HIRA: variants seen among roughly 807,000 people sequenced by gnomAD.
HIRA encodes protein HIRA.
Under a neutral mutation model 126.6 loss-of-function variants are expected in HIRA, and 13 were observed. The ratio of observed to expected loss-of-function variants is 0.10; its 90% confidence interval spans 0.07 to 0.16. HIRA has a LOEUF of 0.16. HIRA is among the 10% of genes least tolerant of loss of function. HIRA has a pLI of 1.00. For missense variants in HIRA, 834 were observed against 1,314.4 expected, an observed-to-expected ratio of 0.63 and a Z score of 5.65; for synonymous variants, 511 against 520.0, an observed-to-expected ratio of 0.98 and a Z score of 0.24.
intron 23 of HIRA, among the ~76,000 whole-genome samples, 162 bp downstream of exon 23, chr22:19,353,194 A>G (rs914092331): frequency 1.1e-4 from 16 of 152,158 alleles, no homozygotes; most frequent in Non-Finnish European, 1.2e-4. Flanking sequence ...AGAGCCTATA[A>G]GGGGCTGGGT....
At chr22:19,339,081 A>C in intron 24 of HIRA, among the ~76,000 whole-genome samples, 1 of 152,230 alleles carries the variant, frequency 6.6e-6, no homozygotes, top group East Asian at 1.9e-4. Context: ...AAACTTAAGA[A>C]AATCGAAATT....
At chr22:19,352,392 C>A (rs140861203) in intron 23 of HIRA, among the ~76,000 whole-genome samples, 1 of 152,044 alleles carries the variant, frequency 6.6e-6, no homozygotes, top group Non-Finnish European at 1.5e-5. Flanking sequence ...GGTATGAGAG[C>A]CTGGGAAGGC....
intron 2 of HIRA, 131 bp from the exon 3 acceptor site, chr22:19,408,724 A>C (rs1409311020): frequency 3.5e-6 from 2 of 577,174 alleles, no homozygotes; most frequent in African/African-American, 3.7e-5. Flanking sequence ...ATCTAAGGAG[A>C]CTGAATTTAA....
chr22:19,411,316 T>C (rs1023724101), intron 1 of HIRA, among the ~76,000 whole-genome samples: 7 of 152,246 alleles, frequency 4.6e-5, no homozygotes, highest in Admixed American at 2.6e-4. Flanking sequence ...GTACTCTATG[T>C]TAAATTAGCT....
intron 13 of HIRA, among the ~76,000 whole-genome samples, chr22:19,382,033 C>T (rs968090547): frequency 6.6e-5 from 10 of 152,154 alleles, no homozygotes; most frequent in African/African-American, 1.9e-4. Flanking sequence ...AAAGAAGTCT[C>T]TCATCTTTTT....
chr22:19,348,401 A>G (rs1418944990), intron 24 of HIRA, among the ~76,000 whole-genome samples: 2 of 152,220 alleles, frequency 1.3e-5, no homozygotes, highest in Non-Finnish European at 2.9e-5. Context: ...ATTATCAGAC[A>G]TAAAACTTTA....
intron 15 of HIRA, among the ~76,000 whole-genome samples, chr22:19,364,696 C>T (rs1001832537): frequency 6.6e-6 from 1 of 152,190 alleles, no homozygotes; most frequent in African/African-American, 2.4e-5. Context: ...TGGTTGTTCT[C>T]CTGTCTCCCT....
intron 24 of HIRA, among the ~76,000 whole-genome samples, chr22:19,340,398 C>A (rs1159931517): frequency 1.3e-5 from 2 of 152,150 alleles, no homozygotes; most frequent in East Asian, 3.9e-4. Context: ...ATGACAAACT[C>A]ACAGTTGACT....
At chr22:19,419,967 C>T (rs890010350) in intron 1 of HIRA, among the ~76,000 whole-genome samples, 3 of 152,112 alleles carry the variant, frequency 2.0e-5, no homozygotes, top group Non-Finnish European at 2.9e-5. Flanking sequence ...GACACAATGA[C>T]ATCTCATAGG....
chr22:19,385,373 G>A, intron 12 of HIRA, 148 bp downstream of exon 12: 3 of 696,250 alleles, frequency 4.3e-6, no homozygotes, highest in Non-Finnish European at 7.2e-6. Context: ...GCAGCAGTGG[G>A]CAAGGGGCCA....
At chr22:19,381,621 A>G (rs1379951894) in intron 13 of HIRA, among the ~76,000 whole-genome samples, 1 of 152,216 alleles carries the variant, frequency 6.6e-6, no homozygotes, top group East Asian at 1.9e-4. Flanking sequence ...TCCCAAAACA[A>G]ACCTCACTTG....
At chr22:19,413,484 T>C (rs1050261173) in intron 1 of HIRA, among the ~76,000 whole-genome samples, 17 of 152,144 alleles carry the variant, frequency 1.1e-4, no homozygotes, top group African/African-American at 3.9e-4. Flanking sequence ...TGAAATATGG[T>C]AGGGGACCTA....
chr22:19,349,626 A>G (rs1412829092), intron 24 of HIRA, among the ~76,000 whole-genome samples: 1 of 152,198 alleles, frequency 6.6e-6, no homozygotes, highest in Non-Finnish European at 1.5e-5. Flanking sequence ...TAGCAATAAC[A>G]CTGGATGCAA....
intron 9 of HIRA, 96 bp downstream of exon 9, chr22:19,392,005 C>T (rs2089187061): frequency 1.5e-6 from 1 of 654,150 alleles, no homozygotes; most frequent in Non-Finnish European, 2.7e-6. Flanking sequence ...GAAATACACT[C>T]TTAGCATCAC....
At chr22:19,421,901 A>G (rs1221819752) in intron 1 of HIRA, among the ~76,000 whole-genome samples, 1 of 151,954 alleles carries the variant, frequency 6.6e-6, no homozygotes, top group African/African-American at 2.4e-5. Flanking sequence ...TGAACTCCTA[A>G]CCTCAAGTGA....
chr22:19,387,873 C>A, intron 10 of HIRA, 57 bp from the exon 11 acceptor site: 5 of 1,289,530 alleles, frequency 3.9e-6, no homozygotes, highest in Non-Finnish European at 5.5e-6. Flanking sequence ...GACACATGTG[C>A]CGCAGTAGCT....
At chr22:19,362,027 C>T in intron 15 of HIRA, 96 bp from the exon 16 acceptor site, 3 of 1,159,710 alleles carry the variant, frequency 2.6e-6, no homozygotes, top group Non-Finnish European at 3.7e-6. Flanking sequence ...AACCTCTTGC[C>T]AACCTAGAAT....
At chr22:19,352,422 G>C (rs1417015989) in intron 23 of HIRA, among the ~76,000 whole-genome samples, 2 of 152,122 alleles carry the variant, frequency 1.3e-5, no homozygotes, top group Non-Finnish European at 2.9e-5. Flanking sequence ...AGAAAAGCTG[G>C]GGACCACACA....
chr22:19,349,230 C>G (rs2088727626), intron 24 of HIRA, among the ~76,000 whole-genome samples: 1 of 151,564 alleles, frequency 6.6e-6, no homozygotes, highest in Non-Finnish European at 1.5e-5. Context: ...TCAGCCTCCC[C>G]AGTAGCTGGG....
Sources: allele counts gnomAD v4.1 joint callset (sites outside exome capture counted in the v4.1 genomes callset), GRCh38; gene constraint gnomAD v4.1.1; transcripts MANE v1.5; gene names NCBI Gene and HGNC (gene_info 2026-07-23, HGNC 2026-07-21).